GABRB2: variants seen among roughly 807,000 people sequenced by gnomAD.
GABRB2 encodes gamma-aminobutyric acid type A receptor subunit beta2.
Under a neutral mutation model 54.7 loss-of-function variants are expected in GABRB2, and 16 were observed. That is an observed-to-expected ratio of 0.29 (90% CI 0.20 to 0.44). The LOEUF is 0.44. Ranked by LOEUF, GABRB2 falls within the 20% of genes least tolerant of loss-of-function variation. The pLI, the probability that GABRB2 is intolerant of heterozygous loss-of-function variation, is 1.00. For missense variants in GABRB2, 355 were observed against 644.0 expected, an observed-to-expected ratio of 0.55 and a Z score of 4.86; for synonymous variants, 244 against 233.8, an observed-to-expected ratio of 1.04 and a Z score of -0.40.
intron 7 of GABRB2, among the ~76,000 whole-genome samples, chr5:161,334,281 A>G (rs906258049): frequency 6.6e-6 from 1 of 152,220 alleles, no homozygotes; most frequent in Non-Finnish European, 1.5e-5. Flanking sequence ...TTACTTCTCA[A>G]TATTCTTACT....
At chr5:161,415,171 C>A (rs1161280842) in intron 4 of GABRB2, among the ~76,000 whole-genome samples, 1 of 152,108 alleles carries the variant, frequency 6.6e-6, no homozygotes, top group Non-Finnish European at 1.5e-5. Context: ...ATTTTTAAGA[C>A]CATTGTGAAA....
intron 3 of GABRB2, among the ~76,000 whole-genome samples, chr5:161,516,419 G>A: frequency 6.6e-6 from 1 of 152,124 alleles, no homozygotes; most frequent in Non-Finnish European, 1.5e-5. Context: ...ATGGGTGAAT[G>A]AGTGCCTACC....
intron 5 of GABRB2, among the ~76,000 whole-genome samples, chr5:161,339,367 G>A (rs1754086064): frequency 6.6e-6 from 1 of 152,176 alleles, no homozygotes; most frequent in South Asian, 2.1e-4. Flanking sequence ...TTGTTAACTA[G>A]ACACCAACCC....
At chr5:161,514,461 TC>T (rs1477984214) in intron 3 of GABRB2, among the ~76,000 whole-genome samples, 16 of 152,184 alleles carry the variant, frequency 1.1e-4, no homozygotes, top group African/African-American at 3.9e-4. Flanking sequence ...GTCTTGTTCA[TC>T]TTTTTATCTC....
chr5:161,406,988 G>A (rs1756366337), intron 5 of GABRB2, among the ~76,000 whole-genome samples: 1 of 152,092 alleles, frequency 6.6e-6, no homozygotes, highest in Non-Finnish European at 1.5e-5. Flanking sequence ...CTGAGACACT[G>A]ACTCTGGCCA....
At chr5:161,500,152 G>A (rs1759387330) in intron 3 of GABRB2, among the ~76,000 whole-genome samples, 1 of 152,142 alleles carries the variant, frequency 6.6e-6, no homozygotes, top group African/African-American at 2.4e-5. Context: ...GTCCACTACA[G>A]AGAATGGCAC....
At chr5:161,417,606 C>A (rs912827311) in intron 4 of GABRB2, among the ~76,000 whole-genome samples, 2 of 152,196 alleles carry the variant, frequency 1.3e-5, no homozygotes, top group Non-Finnish European at 2.9e-5. Context: ...CATGAAAATA[C>A]ATTACATGTT....
At chr5:161,462,311 T>G (rs1758138406) in intron 3 of GABRB2, among the ~76,000 whole-genome samples, 1 of 152,130 alleles carries the variant, frequency 6.6e-6, no homozygotes, top group Non-Finnish European at 1.5e-5. Context: ...AGAAGCAAGA[T>G]GAACATTCAT....
intron 3 of GABRB2, among the ~76,000 whole-genome samples, chr5:161,536,379 G>C (rs990243012): frequency 1.3e-5 from 2 of 152,096 alleles, no homozygotes; most frequent in African/African-American, 4.8e-5. Flanking sequence ...TGGAATTAAG[G>C]CTGTCTGTGG....
chr5:161,451,732 A>G (rs1757793481), intron 4 of GABRB2, among the ~76,000 whole-genome samples: 1 of 152,172 alleles, frequency 6.6e-6, no homozygotes, highest in Non-Finnish European at 1.5e-5. Flanking sequence ...CGTGACAAAC[A>G]TGCTTACTAT....
intron 5 of GABRB2, among the ~76,000 whole-genome samples, chr5:161,378,373 A>G (rs1755369785): frequency 6.6e-6 from 1 of 152,200 alleles, no homozygotes; most frequent in South Asian, 2.1e-4. Context: ...TAGATGAATT[A>G]AGCCATTGTT....
At chr5:161,419,152 CA>C (rs1756772833) in intron 4 of GABRB2, among the ~76,000 whole-genome samples, 1 of 151,948 alleles carries the variant, frequency 6.6e-6, no homozygotes, top group South Asian at 2.1e-4. Context: ...AACAAACTAA[CA>C]AAAAAGATAT....
chr5:161,319,076 T>A (rs1329624264), intron 9 of GABRB2, among the ~76,000 whole-genome samples: 1 of 151,644 alleles, frequency 6.6e-6, no homozygotes, highest in Non-Finnish European at 1.5e-5. Context: ...AAATTATTTC[T>A]TATCCTTTTC....
chr5:161,457,589 G>C (rs1041863286), intron 4 of GABRB2, among the ~76,000 whole-genome samples: 2 of 150,972 alleles, frequency 1.3e-5, no homozygotes, highest in Admixed American at 1.3e-4. Flanking sequence ...GGGACTACAG[G>C]CCCCCGCCAC....
rs773998166 is a variant in GABRB2 at position 161,455,299 on chromosome 5, T to C, written c.458+4325A>G. Among the ~76,000 whole-genome samples, 22 of 152,278 alleles carry C rather than the reference T, an allele frequency of 1.4e-4. No individual in the cohort carries two copies. The Middle Eastern group carries it at 0.01, about 71-fold the overall frequency. On this transcript the variant is annotated intron_variant, in intron 4 of 9. Transcript: ENST00000393959. The stretch of plus-strand genomic sequence containing the variant: ...CCCCTCTCCGGATAATGGATCAGCC[T>C]GGCTATCCGTGATCATGGATCTCAC...
chr5:161,451,223 T>C (rs1219797238), intron 4 of GABRB2, among the ~76,000 whole-genome samples: 1 of 152,152 alleles, frequency 6.6e-6, no homozygotes, highest in Non-Finnish European at 1.5e-5. Context: ...CAGGAGGTGG[T>C]TGAATTACCT....
chr5:161,321,809 C>A (rs1401396401), intron 9 of GABRB2, among the ~76,000 whole-genome samples: 1 of 152,022 alleles, frequency 6.6e-6, no homozygotes, highest in African/African-American at 2.4e-5. Flanking sequence ...GAGGAATATA[C>A]TAAGTAGTTA....
intron 4 of GABRB2, among the ~76,000 whole-genome samples, chr5:161,455,415 G>A (rs767073216): frequency 6.6e-6 from 1 of 152,078 alleles, no homozygotes; most frequent in African/African-American, 2.4e-5. Flanking sequence ...CTGTACACAC[G>A]AGAGATGGGA....
chr5:161,448,858 G>A (rs1232422720), intron 4 of GABRB2, among the ~76,000 whole-genome samples: 1 of 152,112 alleles, frequency 6.6e-6, no homozygotes, highest in African/African-American at 2.4e-5. Flanking sequence ...CCTGAGGAAT[G>A]TACTTTATGT....
Sources: gnomAD v4.1 joint callset for allele counts (sites outside exome capture counted in the v4.1 genomes callset) on GRCh38, gnomAD v4.1.1 for gene constraint, MANE v1.5 for transcripts, NCBI Gene and HGNC (gene_info 2026-07-23, HGNC 2026-07-21) for gene names.